The following ZNF626 variants were observed in gnomAD, a reference collection of about 807,000 sequenced individuals.
The protein encoded by ZNF626 is CTC-513N18.7.
A neutral mutation model predicts 11.7 loss-of-function variants in ZNF626; 4 were observed. The observed-to-expected ratio is 0.34, with a 90% CI of 0.17 to 0.78. The LOEUF (loss-of-function observed/expected upper bound fraction) is 0.78. ZNF626 is among the 30% of genes least tolerant of loss of function. ZNF626 has a pLI of 0.57. For synonymous variants in ZNF626, 179 were observed against 198.6 expected, an observed-to-expected ratio of 0.90 and a Z score of 0.83; for missense variants, 588 against 587.1, an observed-to-expected ratio of 1.00 and a Z score of -0.01.
chr19:20,660,468 G>A (rs540108927), intron 1 of ZNF626, among the ~76,000 whole-genome samples: 7 of 151,594 alleles, frequency 4.6e-5, no homozygotes, highest in Non-Finnish European at 1.0e-4. Context: ...GCTTTGTCAC[G>A]CAGGCTGGAG....
Position 20,623,927 on chromosome 19 carries a change from T to G in ZNF626, c.*363A>C. The G allele has an allele frequency of 2.7e-6, 1 of 367,642 alleles. No homozygotes were observed. Among genetic ancestry groups the G allele is most frequent in the Non-Finnish European group, 5.2e-6 (1 of 191,586 alleles). 22.8% of individuals were successfully genotyped at this position (367,642 alleles called of 1,614,324 possible). Reference sequence around the variant, plus strand: ...AAGTTCCTTAAAAAATCTGTCACATTCTTTATATTTGTAGAGTTTATATTT... The same window carrying G: ...AAGTTCCTTAAAAAATCTGTCACATGCTTTATATTTGTAGAGTTTATATTT... On this transcript the variant is annotated 3_prime_UTR_variant, in exon 4 of 4. Coordinates refer to ENST00000601440, the MANE Select transcript of ZNF626 (RefSeq NM_001076675.3).
chr19:20,645,639 C>G (rs781787791), intron 3 of ZNF626, 45 bp downstream of exon 3: 4 of 1,590,088 alleles, frequency 2.5e-6, no homozygotes, highest in Non-Finnish European at 3.4e-6. Flanking sequence ...ACCTTGGGAC[C>G]CCTTATCTGT....
At chr19:20,650,090 G>C (rs1199814433) in intron 1 of ZNF626, among the ~76,000 whole-genome samples, 1 of 152,170 alleles carries the variant, frequency 6.6e-6, no homozygotes, top group Admixed American at 6.5e-5. Context: ...GTGCTCAAGA[G>C]TATGATACAG....
chr19:20,654,445 T>C (rs274813), intron 1 of ZNF626, among the ~76,000 whole-genome samples: 74,711 of 150,444 alleles, frequency 0.5, 20,890 homozygotes, highest in African/African-American at 0.77. Flanking sequence ...CGCGGTGGCT[T>C]ACACTGTAAT....
intron 3 of ZNF626, 54 bp from the exon 4 acceptor site, chr19:20,625,704 AAATAT>A: frequency 1.4e-6 from 2 of 1,480,666 alleles, no homozygotes; most frequent in Non-Finnish European, 1.8e-6. Context: ...AGATAAATAT[AAATAT>A]ATATATGCAG....
intron 1 of ZNF626, 52 bp downstream of exon 1, chr19:20,661,392 C>A: frequency 6.2e-7 from 1 of 1,612,734 alleles, no homozygotes; most frequent in Non-Finnish European, 8.5e-7. Flanking sequence ...CACTTTTCAC[C>A]GGTTCCAACC....
At chr19:20,629,513 G>A (rs1181070019) in intron 3 of ZNF626, among the ~76,000 whole-genome samples, 1 of 152,146 alleles carries the variant, frequency 6.6e-6, no homozygotes, top group Non-Finnish European at 1.5e-5. Context: ...TTGTAAGGTG[G>A]ATTCCTAGGT....
rs1969802074 is a variant in ZNF626 at position 20,624,717 on chromosome 19, T to C, written c.1160A>G (p.His387Arg). The change falls in exon 4 of 4, where the codon CAT (histidine) becomes CGT (arginine). Residue 387 changes from histidine (H) to arginine (R), a missense_variant. Physicochemically the swap from His to Arg is conservative, Grantham distance 29. Around this residue, in one of 4 missense-constraint regions of ZNF626, gnomAD observed 524 missense variants for 470.1 expected, o/e 1.11. Coordinates refer to ENST00000601440, the MANE Select transcript of ZNF626 (RefSeq NM_001076675.3). ...TTTCTCTCCAGTATGAATTATCTTA[T>C]GCGTAGTAAGGTCTGAAGACCGCTT... ...AFKRSSDLTT[H>R]KIIHTGEKPY... 2.5e-6 allele frequency: 4 copies of C among 1,609,970 alleles called. No individual in the cohort carries two copies. Among genetic ancestry groups the C allele is most frequent in the South Asian group, 1.1e-5 (1 of 90,714 alleles).
rs907328305 is a variant in ZNF626 at position 20,622,756 on chromosome 19, T to A, written c.*1534A>T. On this transcript the variant is annotated 3_prime_UTR_variant, in exon 4 of 4. Transcript: ENST00000601440. Reference sequence around the variant, plus strand: ...TTATATACTCAACACTCTTATTTAATGTAATGTCTGAAGTGTCAGTGCCTT... The same window carrying A: ...TTATATACTCAACACTCTTATTTAAAGTAATGTCTGAAGTGTCAGTGCCTT... 2 of 152,212 alleles carry A rather than the reference T, an allele frequency of 1.3e-5. No homozygotes were observed. Among genetic ancestry groups the A allele is most frequent in the Admixed American group, 1.3e-4 (2 of 15,282 alleles). The allele number at this position is 152,212 out of a possible 1,614,324, so 9.4% of individuals were successfully genotyped here.
intron 1 of ZNF626, among the ~76,000 whole-genome samples, chr19:20,655,144 T>A (rs1469499429): frequency 5.3e-5 from 8 of 152,124 alleles, no homozygotes; most frequent in Non-Finnish European, 1.2e-4. Context: ...GTTTAATTTA[T>A]ATGAATGCAG....
chr19:20,650,604 G>T (rs1226307686), intron 1 of ZNF626, among the ~76,000 whole-genome samples: 1 of 152,084 alleles, frequency 6.6e-6, no homozygotes, highest in Admixed American at 6.6e-5. Context: ...TCCAGGGTAG[G>T]GTCAGACGTA....
At chr19:20,627,502 C>T (rs972805270) in intron 3 of ZNF626, among the ~76,000 whole-genome samples, 9 of 151,512 alleles carry the variant, frequency 5.9e-5, no homozygotes, top group African/African-American at 1.9e-4. Context: ...CAAAAAACCA[C>T]GAAAACCACA....
At chr19:20,653,740 C>T (rs1555772833) in intron 1 of ZNF626, among the ~76,000 whole-genome samples, 2 of 151,904 alleles carry the variant, frequency 1.3e-5, no homozygotes, top group African/African-American at 2.4e-5. Context: ...CTCTGCTGTT[C>T]TCTCCTCTCC....
In ZNF626 at chr19:20,622,823, G is replaced by A. The variant is rs1468510540; in HGVS notation, c.*1467C>T. ...CTGATATTTACATACAATTAATTTT[G>A]AATTAAATATTTTTTCATGTTTACT... On this transcript the variant is annotated 3_prime_UTR_variant, in exon 4 of 4. Transcript: ENST00000601440. The A allele has an allele frequency of 6.6e-6, 1 of 151,532 alleles. No homozygotes were observed. Among genetic ancestry groups the A allele is most frequent in the Admixed American group, 6.6e-5 (1 of 15,218 alleles). The allele number at this position is 151,532 out of a possible 1,614,324, so 9.4% of individuals were successfully genotyped here.
In ZNF626 at chr19:20,624,687, T is replaced by C; in HGVS notation, c.1190A>G (p.Tyr397Cys). ...HKIIHTGEKP[Y>C]KCEECGKAFK... ...AGCTTTGCCACATTCTTCACATTTG[T>C]AGGGTTTCTCTCCAGTATGAATTAT... The change falls in exon 4 of 4, where the codon TAC (tyrosine) becomes TGC (cysteine). Residue 397 changes from tyrosine to cysteine, a missense_variant. Tyr to Cys is a radical substitution (Grantham distance 194). Transcript: ENST00000601440. The C allele has an allele frequency of 5.0e-6, 8 of 1,610,110 alleles. No individual in the cohort carries two copies. Among genetic ancestry groups the C allele is most frequent in the Non-Finnish European group, 6.8e-6 (8 of 1,178,186 alleles).
chr19:20,636,135 A>G (rs1969963046), intron 3 of ZNF626, among the ~76,000 whole-genome samples: 1 of 152,200 alleles, frequency 6.6e-6, no homozygotes, highest in African/African-American at 2.4e-5. Context: ...TCCCTCTCAA[A>G]AAAACCAAAA....
intron 3 of ZNF626, among the ~76,000 whole-genome samples, chr19:20,631,353 T>C (rs1180023155): frequency 2.0e-5 from 3 of 152,296 alleles, no homozygotes; most frequent in Middle Eastern, 6.8e-3. Flanking sequence ...CTCGTTGATC[T>C]GTCTAACTTT....
At chr19:20,648,209 C>G (rs1970104955) in intron 1 of ZNF626, among the ~76,000 whole-genome samples, 1 of 149,758 alleles carries the variant, frequency 6.7e-6, no homozygotes, top group Non-Finnish European at 1.5e-5. Context: ...CAGTTGTATA[C>G]AAACTTTAAA....
rs782036927 is a variant in ZNF626, at chr19:20,625,076, C to T, written c.801G>A (p.Met267Ile). The change falls in exon 4 of 4, where the codon ATG becomes ATA. Residue 267 changes from methionine (M) to isoleucine (I), a missense_variant. Physicochemically the swap from Met to Ile is conservative, Grantham distance 10 (BLOSUM62 1). Around this residue, in one of 4 missense-constraint regions of ZNF626, gnomAD observed 524 missense variants for 470.1 expected, o/e 1.11. Transcript: ENST00000601440. ...YKCDKCGKAFMSSSTLSKHEI... is the reference protein window; with the variant it reads ...YKCDKCGKAFISSSTLSKHEI... The stretch of plus-strand genomic sequence containing the variant: ...CATGTTTACTAAGGGTTGAGGATGA[C>T]ATAAAGGCTTTGCCACATTTATCAC... 6.2e-7 allele frequency: 1 copy of T among 1,613,276 alleles called. No individual in the cohort carries two copies.
Sources: allele counts gnomAD v4.1 joint callset (sites outside exome capture counted in the v4.1 genomes callset), GRCh38; gene constraint gnomAD v4.1.1; regional missense constraint gnomAD v4.1.1; transcripts MANE v1.5; gene names NCBI Gene and HGNC (gene_info 2026-07-23, HGNC 2026-07-21).